Variants in DAB1 observed in about 807,000 individuals in gnomAD.
The protein encoded by DAB1 is disabled homolog 1.
In DAB1, 15 loss-of-function variants were observed where a neutral mutation model predicts 64.6. The observed-to-expected ratio is 0.23, with a 90% CI of 0.16 to 0.36. DAB1 has a LOEUF of 0.36. DAB1 is among the 10% of genes least tolerant of loss of function. The pLI is 1.00. For synonymous variants in DAB1, 235 were observed against 251.9 expected (o/e 0.93, Z 0.64); for missense variants, 596 against 706.7 (o/e 0.84, Z 1.78).
chr1:58,027,707 C>T (rs1646914448), intron 5 of DAB1, among the ~76,000 whole-genome samples: 1 of 151,878 alleles, frequency 6.6e-6, no homozygotes, highest in Admixed American at 6.6e-5. Context: ...AAAATGGCAA[C>T]AACAATAATA....
At chr1:57,815,298 G>T (rs1221150713) in intron 6 of DAB1, among the ~76,000 whole-genome samples, 1 of 152,038 alleles carries the variant, frequency 6.6e-6, no homozygotes, top group Non-Finnish European at 1.5e-5. Context: ...TCGATCTCCT[G>T]ACCTCGTGAT....
chr1:57,361,740 T>C (rs980781995), intron 1 of DAB1, among the ~76,000 whole-genome samples: 2 of 152,150 alleles, frequency 1.3e-5, no homozygotes, highest in Non-Finnish European at 2.9e-5. Context: ...GAGCCTGGAT[T>C]TCTGGCATGA....
intron 9 of DAB1, among the ~76,000 whole-genome samples, chr1:57,034,055 C>A (rs546895785): frequency 1.3e-5 from 2 of 152,024 alleles, no homozygotes; most frequent in African/African-American, 2.4e-5. Context: ...GCCGAGGAGG[C>A]GGATCACGAG....
In DAB1 at chr1:57,649,155, T is replaced by G. The variant is rs1006961222; in HGVS notation, n.625+437A>C. ...CATTTATCTTACATATTGTTTGAGT[T>G]TATTTTCCACAGTTGAGAATAGTTT... On this transcript the variant is annotated intron_variant and non_coding_transcript_variant, in intron 7 of 20. Transcript: ENST00000485760. 2.6e-5 allele frequency among the ~76,000 whole-genome samples: 4 copies of G among 152,214 alleles called. No individual in the cohort carries two copies. In the East Asian group the frequency reaches 7.7e-4, roughly 29 times the overall value.
intron 1 of DAB1, among the ~76,000 whole-genome samples, chr1:58,538,262 A>G (rs1438288531): frequency 6.6e-6 from 1 of 152,210 alleles, no homozygotes. Flanking sequence ...ATCACCAAGG[A>G]AAAAAACAAA....
At chr1:57,557,934 T>G (rs1192146915) in intron 7 of DAB1, among the ~76,000 whole-genome samples, 1 of 152,178 alleles carries the variant, frequency 6.6e-6, no homozygotes, top group Non-Finnish European at 1.5e-5. Context: ...AAAATTGCTC[T>G]GAGTGAGAGT....
At chr1:58,483,797 C>A (rs1645529359) in intron 3 of DAB1, among the ~76,000 whole-genome samples, 1 of 152,208 alleles carries the variant, frequency 6.6e-6, no homozygotes, top group African/African-American at 2.4e-5. Flanking sequence ...ACTGTCTCTG[C>A]AAAATTGGGA....
At position 56,995,955 on chromosome 1, in the gene DAB1, G is replaced by T. The variant is rs1645598638; in HGVS notation, c.*2189C>A. The T allele has an allele frequency of 1.3e-5, 2 of 152,106 alleles. No homozygotes were observed. The highest frequency in any genetic ancestry group is 4.1e-4 in the South Asian group (2 of 4,828). The allele number at this position is 152,106 out of a possible 1,614,324, so 9.4% of individuals were successfully genotyped here. On this transcript the variant is annotated 3_prime_UTR_variant, in exon 15 of 15. Coordinates refer to ENST00000371236, the MANE Select transcript of DAB1 (RefSeq NM_001365792.1). ...TGATAGCTACAGAGGGAGGTAAACG[G>T]CCCTTCTCACTTTTCTGGTTCTTCG...
intron 7 of DAB1, among the ~76,000 whole-genome samples, chr1:57,602,556 CA>C (rs1170458432): frequency 6.6e-6 from 1 of 152,084 alleles, no homozygotes; most frequent in Non-Finnish European, 1.5e-5. Context: ...TAGCTGCAAG[CA>C]ACAGAAATGG....
At chr1:58,517,272 TA>T (rs1231422854) in intron 2 of DAB1, among the ~76,000 whole-genome samples, 2 of 152,310 alleles carry the variant, frequency 1.3e-5, no homozygotes, top group Admixed American at 1.3e-4. Flanking sequence ...AAATTGCTAA[TA>T]AAGAAGTTTC....
chr1:57,263,062 G>A (rs924481993), intron 2 of DAB1, among the ~76,000 whole-genome samples: 1 of 152,292 alleles, frequency 6.6e-6, no homozygotes, highest in East Asian at 1.9e-4. Context: ...GTGACCTGAG[G>A]CAAGTTAGTT....
intron 5 of DAB1, among the ~76,000 whole-genome samples, chr1:57,980,163 T>C (rs923957642): frequency 2.0e-5 from 3 of 152,132 alleles, no homozygotes; most frequent in African/African-American, 7.2e-5. Context: ...CATAATGCTA[T>C]TTAAAGTTCA....
chr1:57,411,307 G>A (rs1010859599), intron 1 of DAB1, among the ~76,000 whole-genome samples: 12 of 152,202 alleles, frequency 7.9e-5, no homozygotes, highest in Non-Finnish European at 1.5e-4. Flanking sequence ...CTCTATTCTA[G>A]CTCTGCTTAA....
In DAB1 at chr1:58,422,608, T is replaced by C. The variant is rs1295624548; in HGVS notation, n.258-79205A>G. On this transcript the variant is annotated intron_variant and non_coding_transcript_variant, in intron 3 of 20. Coordinates refer to the DAB1 transcript ENST00000485760. ...TGCCACTATCAGGAGGCAAATTTTT[T>C]TTTTTTTTTTTTTTGAGACAGAGTC... Among the ~76,000 whole-genome samples, 3 of 150,918 alleles carry C rather than the reference T, an allele frequency of 2.0e-5. No individual in the cohort carries two copies. In the East Asian group the frequency reaches 5.8e-4, roughly 29 times the overall value.
intron 7 of DAB1, among the ~76,000 whole-genome samples, chr1:57,623,369 AC>A (rs1645885062): frequency 6.6e-6 from 1 of 152,200 alleles, no homozygotes; most frequent in South Asian, 2.1e-4. Flanking sequence ...GGTTAAATAC[AC>A]ATGCCAGGAT....
chr1:57,696,087 T>C (rs1354350897), intron 6 of DAB1, among the ~76,000 whole-genome samples: 1 of 152,188 alleles, frequency 6.6e-6, no homozygotes, highest in Non-Finnish European at 1.5e-5. Flanking sequence ...TTTCCTCCTC[T>C]TCCTCCTTCT....
At position 57,897,161 on chromosome 1, in the gene DAB1, G is replaced by A. The variant is rs72918585; in HGVS notation, n.388-12999C>T. Reference sequence around the variant, plus strand: ...CAGGATGGATAGAGCAGAGCACACCGGCAGATCCAGGAACTCCTTTCTATG... The same window carrying A: ...CAGGATGGATAGAGCAGAGCACACCAGCAGATCCAGGAACTCCTTTCTATG... On this transcript the variant is annotated intron_variant and non_coding_transcript_variant, in intron 5 of 20. Transcript: ENST00000485760. Among the ~76,000 whole-genome samples the A allele has an allele frequency of 6.4e-3, 976 of 152,208 alleles. 12 individuals carry two copies. The highest frequency in any genetic ancestry group is 0.022 in the African/African-American group (919 of 41,536).
At chr1:58,520,322 G>C (rs1646242721) in intron 2 of DAB1, among the ~76,000 whole-genome samples, 1 of 152,108 alleles carries the variant, frequency 6.6e-6, no homozygotes, top group South Asian at 2.1e-4. Context: ...ATCTGACAAA[G>C]AACTTGCACC....
At position 57,770,818 on chromosome 1, in the gene DAB1, A is replaced by G. The variant is rs572762280; in HGVS notation, n.551+113181T>C. On this transcript the variant is annotated intron_variant and non_coding_transcript_variant, in intron 6 of 20. Coordinates refer to the DAB1 transcript ENST00000485760. ...TTATTATAGTATAGAAGGACATTGA[A>G]AGAAAATGTGTGATGGGTGAAAAAT... 2.0e-5 allele frequency among the ~76,000 whole-genome samples: 3 copies of G among 152,304 alleles called. No individual in the cohort carries two copies. The South Asian group carries it at 6.2e-4, about 32-fold the overall frequency.
Sources: allele counts gnomAD v4.1 joint callset (sites outside exome capture counted in the v4.1 genomes callset), GRCh38; gene constraint gnomAD v4.1.1; transcripts MANE v1.5; gene names NCBI Gene and HGNC (gene_info 2026-07-23, HGNC 2026-07-21).